TMPRSS15: variants seen among roughly 807,000 people sequenced by gnomAD.
TMPRSS15 encodes transmembrane serine protease 15.
A neutral mutation model predicts 125.3 loss-of-function variants in TMPRSS15; 128 were observed. The observed-to-expected ratio is 1.02, with a 90% CI of 0.89 to 1.18. The LOEUF is 1.18. Ranked by LOEUF, TMPRSS15 falls within the 50% of genes most tolerant of loss-of-function variation. The pLI is 0.00. For synonymous variants in TMPRSS15, 446 were observed against 423.2 expected (o/e 1.05, Z -0.66); for missense variants, 1,283 against 1,212.7 (o/e 1.06, Z -0.86).
chr21:18,344,548 C>T (rs1023384), intron 10 of TMPRSS15, among the ~76,000 whole-genome samples: 151,563 of 152,334 alleles, frequency 0.99, 75,408 homozygotes, highest in Middle Eastern at 1. Flanking sequence ...AAATAAGAAC[C>T]TGCCTTATTT....
In TMPRSS15 at chr21:18,344,040, T is replaced by C. The variant is rs1483569088; in HGVS notation, c.1192A>G (p.Thr398Ala). 3 of 1,613,622 alleles carry C rather than the reference T, an allele frequency of 1.9e-6. No individual in the cohort carries two copies. Among genetic ancestry groups the C allele is most frequent in the East Asian group, 2.2e-5 (1 of 44,890 alleles). Residue 398 changes from threonine to alanine, a missense_variant, in exon 11 of 25, where the codon ACT (threonine) becomes GCT (alanine). Thr to Ala is a moderately conservative substitution (Grantham distance 58, BLOSUM62 0). Transcript: ENST00000284885. ...CGTTCTTGTCTCCCTCCTGGTCCAG[T>C]TGGGGTAGAAATGTAAAATCCTGTA... ...NASGFYISTP[T>A]GPGGRQERVG...
At chr21:18,379,487 T>A (rs1034266301) in intron 4 of TMPRSS15, among the ~76,000 whole-genome samples, 169 bp from the exon 5 acceptor site, 1 of 152,100 alleles carries the variant, frequency 6.6e-6, no homozygotes, top group Non-Finnish European at 1.5e-5. Context: ...TAAAAATAAA[T>A]CTTTTATGTT....
chr21:18,369,651 TAA>T (rs1491472889), intron 6 of TMPRSS15, among the ~76,000 whole-genome samples: 22 of 151,358 alleles, frequency 1.5e-4, no homozygotes, highest in African/African-American at 2.9e-4. Flanking sequence ...AATAAATCAA[TAA>T]GAGAGAGAGA....
At chr21:18,447,511 T>C (rs966486055) in intron 1 of TMPRSS15, among the ~76,000 whole-genome samples, 1 of 149,730 alleles carries the variant, frequency 6.7e-6, no homozygotes, top group African/African-American at 2.5e-5. Context: ...AACTAAATGA[T>C]ATGGTTTGGC....
At chr21:18,365,338 C>G (rs2075716774) in intron 6 of TMPRSS15, 90 bp from the exon 7 acceptor site, 10 of 997,324 alleles carry the variant, frequency 1.0e-5, no homozygotes, top group South Asian at 7.8e-5. Context: ...CATGGCAAAA[C>G]CTGTACAAGG....
At chr21:18,324,773 C>G (rs538479958) in intron 16 of TMPRSS15, among the ~76,000 whole-genome samples, 1 of 152,198 alleles carries the variant, frequency 6.6e-6, no homozygotes, top group Admixed American at 6.5e-5. Context: ...TCTGCTGTAT[C>G]TTAAATGTGC....
intron 12 of TMPRSS15, among the ~76,000 whole-genome samples, chr21:18,343,148 T>C (rs1299303707): frequency 1.3e-5 from 2 of 152,002 alleles, no homozygotes; most frequent in Non-Finnish European, 2.9e-5. Context: ...TTGACCTAGG[T>C]GGTATTTGTG....
At chr21:18,367,916 T>C (rs866942628) in intron 6 of TMPRSS15, among the ~76,000 whole-genome samples, 38 of 152,238 alleles carry the variant, frequency 2.5e-4, no homozygotes, top group African/African-American at 9.1e-4. Flanking sequence ...AATATATATA[T>C]ACATCTATCA....
intron 1 of TMPRSS15, among the ~76,000 whole-genome samples, chr21:18,408,792 C>G (rs928855958): frequency 2.0e-5 from 3 of 152,060 alleles, no homozygotes; most frequent in Non-Finnish European, 4.4e-5. Context: ...GTACTGCAAT[C>G]TAAGAGATTT....
intron 1 of TMPRSS15, among the ~76,000 whole-genome samples, chr21:18,412,289 G>A (rs762223988): frequency 6.6e-6 from 1 of 152,064 alleles, no homozygotes; most frequent in Non-Finnish European, 1.5e-5. Flanking sequence ...TAATTTCCCT[G>A]CTATCATCAC....
chr21:18,462,478 T>A (rs183699025), intron 1 of TMPRSS15, among the ~76,000 whole-genome samples: 1 of 152,044 alleles, frequency 6.6e-6, no homozygotes, highest in Non-Finnish European at 1.5e-5. Flanking sequence ...CTATTAGACA[T>A]AATCAAGCAA....
chr21:18,321,166 T>C (rs963701978), intron 16 of TMPRSS15, among the ~76,000 whole-genome samples: 5 of 152,186 alleles, frequency 3.3e-5, no homozygotes, highest in South Asian at 4.1e-4. Context: ...AGGAGACAGA[T>C]CTTAATAAAT....
chr21:18,391,178 C>T (rs181408755), intron 3 of TMPRSS15, among the ~76,000 whole-genome samples: 88 of 152,292 alleles, frequency 5.8e-4, no homozygotes, highest in Non-Finnish European at 8.7e-4. Context: ...ATCTCATGCC[C>T]TCACATTTCA....
At chr21:18,275,832 T>C (rs2074613287) in intron 23 of TMPRSS15, among the ~76,000 whole-genome samples, 1 of 152,164 alleles carries the variant, frequency 6.6e-6, no homozygotes, top group African/African-American at 2.4e-5. Context: ...AACTATGCCC[T>C]GGTCTAGGGG....
At chr21:18,427,704 G>A (rs1280958653) in intron 1 of TMPRSS15, among the ~76,000 whole-genome samples, 2 of 152,122 alleles carry the variant, frequency 1.3e-5, no homozygotes, top group Admixed American at 1.3e-4. Flanking sequence ...TTCTAACCAG[G>A]AAAGTGTTTC....
intron 1 of TMPRSS15, among the ~76,000 whole-genome samples, chr21:18,437,438 C>G (rs962655693): frequency 7.2e-5 from 11 of 152,054 alleles, no homozygotes; most frequent in Non-Finnish European, 1.5e-4. Flanking sequence ...GTCTAAAACA[C>G]AAAAAGCAAT....
chr21:18,369,407 A>G (rs1013031374), intron 6 of TMPRSS15, among the ~76,000 whole-genome samples: 9 of 152,080 alleles, frequency 5.9e-5, no homozygotes, highest in African/African-American at 1.9e-4. Context: ...AAGGCTGTGA[A>G]TCAGCATCTT....
intron 23 of TMPRSS15, 91 bp from the exon 24 acceptor site, chr21:18,275,427 T>C: frequency 6.9e-7 from 1 of 1,445,734 alleles, no homozygotes; most frequent in Non-Finnish European, 9.6e-7. Context: ...ATTCCAACAT[T>C]TCACTCTCAT....
rs530200826 is a variant in TMPRSS15 at position 18,379,721 on chromosome 21, G to T, written c.497-403C>A. Among the ~76,000 whole-genome samples the T allele has an allele frequency of 1.8e-4, 28 of 152,164 alleles. 3 individuals are homozygous for T. The highest frequency in any genetic ancestry group is 6.7e-4 in the African/African-American group (28 of 41,536). On this transcript the variant is annotated intron_variant, in intron 4 of 24. Coordinates refer to ENST00000284885, the MANE Select transcript of TMPRSS15 (RefSeq NM_002772.3). ...ATGGGCTTTGGAATCAGGAGGAATT[G>T]CTTTTGATTTCTGAGTTTGACACTT...
Sources: gnomAD v4.1 joint callset for allele counts (sites outside exome capture counted in the v4.1 genomes callset) on GRCh38, gnomAD v4.1.1 for gene constraint, MANE v1.5 for transcripts, NCBI Gene and HGNC (gene_info 2026-07-23, HGNC 2026-07-21) for gene names.